Variants in RANBP10 observed in about 807,000 individuals in gnomAD.
RANBP10 encodes the protein ran-binding protein 10.
RANBP10 carries 24 observed loss-of-function variants against 72.8 expected under a neutral mutation model. The ratio of observed to expected loss-of-function variants is 0.33; its 90% CI spans 0.24 to 0.46. The LOEUF is 0.46. Ranked by LOEUF, RANBP10 falls within the 20% of genes least tolerant of loss-of-function variation. The pLI, the probability that RANBP10 is intolerant of heterozygous loss-of-function variation, is 1.00. For missense variants in RANBP10, 679 were observed against 817.5 expected (o/e 0.83, Z 2.07); for synonymous variants, 310 against 322.3 (o/e 0.96, Z 0.41).
intron 3 of RANBP10, among the ~76,000 whole-genome samples, chr16:67,749,866 C>T (rs951447498): frequency 2.0e-5 from 3 of 152,180 alleles, no homozygotes; most frequent in African/African-American, 7.2e-5. Context: ...AAAATCATCC[C>T]TCCAGGTCTA....
chr16:67,785,745 A>AAAAAAAAAAAAAAAAAAAAAAAAC (rs1339792605), intron 2 of RANBP10, among the ~76,000 whole-genome samples: 1 of 150,492 alleles, frequency 6.6e-6, no homozygotes, highest in African/African-American at 2.5e-5. Context: ...AAAAAAAAAA[A>AAAAAAAAAAAAAAAAAAAAAAAAC]AGCCAGGCAC....
intron 2 of RANBP10, among the ~76,000 whole-genome samples, chr16:67,775,436 T>C (rs1288376228): frequency 6.6e-6 from 1 of 152,094 alleles, no homozygotes; most frequent in African/African-American, 2.4e-5. Flanking sequence ...TTCTAGATGA[T>C]GCAATCAGAC....
chr16:67,754,770 GGTTCTGGCCACAGCACT>G (rs1597863284), intron 3 of RANBP10, among the ~76,000 whole-genome samples: 1 of 152,212 alleles, frequency 6.6e-6, no homozygotes, highest in East Asian at 1.9e-4. Flanking sequence ...TCTGCTCTCT[GGTTCTGGCCACAGCACT>G]GTTCTTCCCG....
At chr16:67,742,073 C>CTTTT (rs758902349) in intron 4 of RANBP10, among the ~76,000 whole-genome samples, 1 of 141,172 alleles carries the variant, frequency 7.1e-6, no homozygotes. Context: ...CTAAGTGATT[C>CTTTT]TTTTTTTTTT....
In RANBP10 at chr16:67,727,307, TAATA is replaced by T. The variant is rs1567669321; in HGVS notation, c.1732+16_1732+19del. On this transcript the variant is annotated intron_variant, in intron 13 of 13. Coordinates refer to ENST00000317506, the MANE Select transcript of RANBP10 (RefSeq NM_020850.3). Reference sequence around the variant, plus strand: ...GAGCAGACTCTGTCTCTAATAATAATAATAAATAGATTCACTCACCTAAAATGGC... The same window carrying T: ...GAGCAGACTCTGTCTCTAATAATAATAATAGATTCACTCACCTAAAATGGC... The T allele has an allele frequency of 5.7e-6, 9 of 1,592,776 alleles. No homozygotes were observed. In the South Asian group the frequency reaches 7.8e-5, roughly 14 times the overall value.
intron 2 of RANBP10, among the ~76,000 whole-genome samples, chr16:67,788,810 G>A (rs994056392): frequency 1.3e-5 from 2 of 151,446 alleles, no homozygotes; most frequent in African/African-American, 4.9e-5. Flanking sequence ...AGACCAGCCT[G>A]GCCAACATGG....
intron 2 of RANBP10, among the ~76,000 whole-genome samples, chr16:67,781,893 G>A (rs2054819829): frequency 6.6e-6 from 1 of 152,126 alleles, no homozygotes; most frequent in South Asian, 2.1e-4. Context: ...AGGCCCACAG[G>A]TGTCCACACT....
At chr16:67,754,283 CCTT>C (rs2054249425) in intron 3 of RANBP10, among the ~76,000 whole-genome samples, 1 of 152,148 alleles carries the variant, frequency 6.6e-6, no homozygotes, top group Non-Finnish European at 1.5e-5. Flanking sequence ...CTTCGTGGCT[CCTT>C]CTCAGATGTA....
chr16:67,738,937 CAT>C (rs2053912865), intron 4 of RANBP10: 1 of 151,934 alleles, frequency 6.6e-6, no homozygotes, highest in Non-Finnish European at 1.5e-5. Flanking sequence ...TGATTTAACA[CAT>C]ATTTATGGAA....
Position 67,744,277 on chromosome 16 carries a change from T to C in RANBP10, c.568+11A>G, listed in dbSNP as rs1385044899. On this transcript the variant is annotated intron_variant, in intron 4 of 13. Transcript: ENST00000317506. Reference sequence around the variant, plus strand: ...ACAGAGCAGAGCCTCCAAGGTCCCTTATGCACACACCAAGGCTGTGGCCAT... The same window carrying C: ...ACAGAGCAGAGCCTCCAAGGTCCCTCATGCACACACCAAGGCTGTGGCCAT... 3.1e-6 allele frequency: 5 copies of C among 1,612,938 alleles called. No individual in the cohort carries two copies. The highest frequency in any genetic ancestry group is 4.2e-6 in the Non-Finnish European group (5 of 1,179,340).
At chr16:67,745,020 C>T (rs1303797874) in intron 3 of RANBP10, among the ~76,000 whole-genome samples, 1 of 151,688 alleles carries the variant, frequency 6.6e-6, no homozygotes, top group South Asian at 2.1e-4. Flanking sequence ...TTAGTAGAGA[C>T]GGTGTTTCAC....
intron 2 of RANBP10, among the ~76,000 whole-genome samples, chr16:67,781,537 T>C (rs2054810350): frequency 6.6e-6 from 1 of 152,142 alleles, no homozygotes; most frequent in Non-Finnish European, 1.5e-5. Context: ...ATTTACGCTA[T>C]GACACAGGTG....
At chr16:67,785,413 G>C (rs372160122) in intron 2 of RANBP10, among the ~76,000 whole-genome samples, 14 of 151,758 alleles carry the variant, frequency 9.2e-5, no homozygotes, top group Admixed American at 5.9e-4. Context: ...ACATGAATTG[G>C]ACTTAATTAA....
At position 67,729,622 on chromosome 16, in the gene RANBP10, G is replaced by A. The variant is rs2053682266; in HGVS notation, c.1147+58C>T. 3.2e-6 allele frequency: 5 copies of A among 1,569,720 alleles called. No homozygotes were observed. The East Asian group carries it at 1.1e-4, about 35-fold the overall frequency. On this transcript the variant is annotated intron_variant, in intron 9 of 13. Transcript: ENST00000317506. The surrounding 1 kb of genome is among the most constrained non-coding windows in gnomAD (Gnocchi z 7.1). Reference sequence around the variant, plus strand: ...GAGCCCAGCCCAGGAAAGGGTATGTGGAGTGGCCTCTCTCCTCCACACCAG... The same window carrying A: ...GAGCCCAGCCCAGGAAAGGGTATGTAGAGTGGCCTCTCTCCTCCACACCAG...
chr16:67,771,611 G>T (rs2054609219), intron 3 of RANBP10, among the ~76,000 whole-genome samples: 1 of 152,122 alleles, frequency 6.6e-6, no homozygotes, highest in African/African-American at 2.4e-5. Flanking sequence ...TCCCAAAGTG[G>T]GATTACAGGC....
intron 2 of RANBP10, 44 bp from the exon 3 acceptor site, chr16:67,772,130 A>T: frequency 6.3e-7 from 1 of 1,581,402 alleles, no homozygotes; most frequent in East Asian, 2.2e-5. Context: ...TTTGGTTAGC[A>T]AATGCTCATG....
intron 6 of RANBP10, among the ~76,000 whole-genome samples, chr16:67,733,984 G>C (rs1055564017): frequency 6.6e-6 from 1 of 152,194 alleles, no homozygotes; most frequent in Non-Finnish European, 1.5e-5. Context: ...CTTGTCATCT[G>C]CTCTGGGGGG....
intron 2 of RANBP10, among the ~76,000 whole-genome samples, chr16:67,796,419 T>C (rs1042714341): frequency 1.3e-5 from 2 of 152,156 alleles, no homozygotes; most frequent in African/African-American, 4.8e-5. Context: ...GGGACTCTCC[T>C]TTAGAAGAAA....
Position 67,738,088 on chromosome 16 carries a change from T to A in RANBP10, c.569-53A>T. On this transcript the variant is annotated intron_variant, in intron 4 of 13. Coordinates refer to ENST00000317506, the MANE Select transcript of RANBP10 (RefSeq NM_020850.3). ...GGCCAGCCCCTGGGGCTACTCTGCC[T>A]CTGCACCCCATGGTGGAGCCAGTGC... 2.6e-6 allele frequency: 4 copies of A among 1,530,122 alleles called. No individual in the cohort carries two copies. The South Asian group carries it at 4.9e-5, about 19-fold the overall frequency. 94.8% of individuals were successfully genotyped at this position (1,530,122 alleles called of 1,614,324 possible). A position where few individuals can be genotyped will look rare whatever the true frequency, so the allele number is the denominator to read the frequency against.
Sources: gnomAD v4.1 joint callset for allele counts (sites outside exome capture counted in the v4.1 genomes callset) on GRCh38, gnomAD v4.1.1 for gene constraint, Gnocchi (gnomAD v3.1) non-coding constraint, MANE v1.5 for transcripts, NCBI Gene and HGNC (gene_info 2026-07-23, HGNC 2026-07-21) for gene names.